The following CNTNAP4 variants were observed in gnomAD, a reference collection of about 807,000 sequenced individuals.
CNTNAP4 encodes contactin-associated protein-like 4.
CNTNAP4 carries 98 observed loss-of-function variants against 148.4 expected under a neutral mutation model. The ratio of observed to expected loss-of-function variants is 0.66; its 90% CI spans 0.56 to 0.78. CNTNAP4 has a LOEUF of 0.78. CNTNAP4 is among the 30% of genes least tolerant of loss of function. The pLI, the probability that CNTNAP4 is intolerant of heterozygous loss-of-function variation, is 0.00. For missense variants in CNTNAP4, 1,935 were observed against 1,565.6 expected, an observed-to-expected ratio of 1.24 and a Z score of -3.98; for synonymous variants, 730 against 565.1, an observed-to-expected ratio of 1.29 and a Z score of -4.14.
intron 3 of CNTNAP4, among the ~76,000 whole-genome samples, chr16:76,409,769 C>A (rs969175802): frequency 2.0e-5 from 3 of 151,942 alleles, no homozygotes; most frequent in East Asian, 1.9e-4. Context: ...TATAGAGAGG[C>A]GTTGCTATTT....
At chr16:76,443,268 G>C (rs1362517688) in intron 4 of CNTNAP4, among the ~76,000 whole-genome samples, 2 of 151,904 alleles carry the variant, frequency 1.3e-5, no homozygotes, top group Non-Finnish European at 2.9e-5. Flanking sequence ...TAGACTGTAG[G>C]CCTTTTACTG....
chr16:76,476,485 A>G (rs2081585502), intron 11 of CNTNAP4, among the ~76,000 whole-genome samples: 1 of 152,196 alleles, frequency 6.6e-6, no homozygotes, highest in Non-Finnish European at 1.5e-5. Context: ...GAAGATTCAG[A>G]TATCCAGTAG....
At chr16:76,433,689 G>C (rs1347281797) in intron 4 of CNTNAP4, among the ~76,000 whole-genome samples, 1 of 152,024 alleles carries the variant, frequency 6.6e-6, no homozygotes, top group Non-Finnish European at 1.5e-5. Context: ...GTCTGGTTAG[G>C]GGGAAGAATG....
At chr16:76,384,698 C>T (rs2016339114) in intron 3 of CNTNAP4, among the ~76,000 whole-genome samples, 2 of 152,150 alleles carry the variant, frequency 1.3e-5, no homozygotes, top group African/African-American at 4.8e-5. Context: ...ATTAGTCATG[C>T]TTCATCATGA....
intron 2 of CNTNAP4, among the ~76,000 whole-genome samples, chr16:76,348,247 G>C (rs1395131857): frequency 6.6e-6 from 1 of 151,738 alleles, no homozygotes; most frequent in African/African-American, 2.4e-5. Flanking sequence ...TATGGGGCTG[G>C]GAAAGGATGT....
intron 1 of CNTNAP4, among the ~76,000 whole-genome samples, chr16:76,304,207 C>T (rs1289727753): frequency 6.6e-6 from 1 of 152,058 alleles, no homozygotes; most frequent in African/African-American, 2.4e-5. Context: ...AATAAAATGC[C>T]TAAGATCATG....
At position 76,277,695 on chromosome 16, in the gene CNTNAP4, G is replaced by A. The variant is rs369274230; in HGVS notation, c.33G>A (p.Thr11=). The A allele has an allele frequency of 3.5e-4, 560 of 1,605,660 alleles. 1 individual carries two copies. The highest frequency in any genetic ancestry group is 4.3e-4 in the Non-Finnish European group (506 of 1,175,810). MGSVTGAVLK[T]LLLLSTQNWN... Reference sequence around the variant, plus strand: ...CTGTCACGGGAGCTGTCCTCAAGACGCTACTTCTGTTATCTACTCAAAATT... The same window carrying A: ...CTGTCACGGGAGCTGTCCTCAAGACACTACTTCTGTTATCTACTCAAAATT... The change falls in exon 1 of 24, where the codon ACG becomes ACA. Residue 11 remains threonine (T), a synonymous_variant. Coordinates refer to ENST00000611870, the MANE Select transcript of CNTNAP4 (RefSeq NM_033401.5).
chr16:76,330,084 A>T (rs1963371321), intron 2 of CNTNAP4, among the ~76,000 whole-genome samples: 1 of 152,196 alleles, frequency 6.6e-6, no homozygotes, highest in Non-Finnish European at 1.5e-5. Flanking sequence ...TGAATTTTCC[A>T]GCTGCCTGCA....
intron 4 of CNTNAP4, among the ~76,000 whole-genome samples, chr16:76,441,446 A>C (rs2080035727): frequency 1.3e-5 from 2 of 152,172 alleles, no homozygotes; most frequent in Admixed American, 6.6e-5. Context: ...CTACGGGCAC[A>C]GGGAGAATTG....
chr16:76,293,819 CTTTT>C (rs1209734206), intron 1 of CNTNAP4, among the ~76,000 whole-genome samples: 40,041 of 136,936 alleles, frequency 0.29, 6,459 homozygotes, highest in Non-Finnish European at 0.39. Flanking sequence ...GAACAAGCTG[CTTTT>C]TTTTTTTTTT....
At chr16:76,435,195 G>A (rs941339221) in intron 4 of CNTNAP4, among the ~76,000 whole-genome samples, 17 of 152,166 alleles carry the variant, frequency 1.1e-4, no homozygotes, top group African/African-American at 3.6e-4. Context: ...GAAGTTGACT[G>A]AAGGGCTGTG....
At chr16:76,461,203 T>A (rs1212272001) in intron 8 of CNTNAP4, among the ~76,000 whole-genome samples, 2 of 152,108 alleles carry the variant, frequency 1.3e-5, no homozygotes, top group East Asian at 3.9e-4. Flanking sequence ...ACAAACAAAC[T>A]TACAAAAATT....
chr16:76,400,201 G>T (rs1477475936), intron 3 of CNTNAP4, among the ~76,000 whole-genome samples: 1 of 152,110 alleles, frequency 6.6e-6, no homozygotes, highest in Non-Finnish European at 1.5e-5. Context: ...TTTGCCTTTA[G>T]ATCTGACCTT....
In CNTNAP4 at chr16:76,559,877, A is replaced by G. The variant is rs1035821948; in HGVS notation, c.*1194A>G. Among the ~76,000 whole-genome samples, 2 of 152,156 alleles carry G rather than the reference A, an allele frequency of 1.3e-5. No homozygotes were observed. The highest frequency in any genetic ancestry group is 4.1e-4 in the South Asian group (2 of 4,832). ...GATCTACACAATCAATAATTAAACA[A>G]TGCACACTCTAAGGGGAGATAGCAT... On this transcript the variant is annotated 3_prime_UTR_variant, in exon 24 of 24. Coordinates refer to ENST00000611870, the MANE Select transcript of CNTNAP4 (RefSeq NM_033401.5).
chr16:76,364,984 CTTCTAGGGTTTTT>C (rs2013933683), intron 3 of CNTNAP4, among the ~76,000 whole-genome samples: 2 of 152,084 alleles, frequency 1.3e-5, no homozygotes, highest in South Asian at 4.1e-4. Context: ...CCTAGGTTTT[CTTCTAGGGTTTTT>C]ATGGTTATAG....
At chr16:76,353,045 A>G (rs956871328) in intron 2 of CNTNAP4, among the ~76,000 whole-genome samples, 2 of 152,230 alleles carry the variant, frequency 1.3e-5, no homozygotes, top group African/African-American at 4.8e-5. Context: ...TTGGTGTACA[A>G]CGAAACTGCA....
chr16:76,387,452 A>G (rs1259044225), intron 3 of CNTNAP4, among the ~76,000 whole-genome samples: 1 of 152,220 alleles, frequency 6.6e-6, no homozygotes, highest in East Asian at 1.9e-4. Context: ...TAGGGCTAAA[A>G]TAATTGATTT....
intron 2 of CNTNAP4, among the ~76,000 whole-genome samples, chr16:76,328,706 CG>C (rs1963238232): frequency 6.6e-6 from 1 of 151,752 alleles, no homozygotes; most frequent in South Asian, 2.1e-4. Flanking sequence ...AGTGCATTAG[CG>C]CAATCTTGGC....
At chr16:76,384,810 A>G (rs1162884546) in intron 3 of CNTNAP4, among the ~76,000 whole-genome samples, 1 of 152,216 alleles carries the variant, frequency 6.6e-6, no homozygotes, top group Non-Finnish European at 1.5e-5. Flanking sequence ...ACAGTTAATT[A>G]TCCATATTTA....
Sources: allele counts gnomAD v4.1 joint callset (sites outside exome capture counted in the v4.1 genomes callset), GRCh38; gene constraint gnomAD v4.1.1; transcripts MANE v1.5; gene names NCBI Gene and HGNC (gene_info 2026-07-23, HGNC 2026-07-21).